The following AGO3 variants were observed in gnomAD, a reference collection of about 807,000 sequenced individuals.
AGO3 encodes the protein protein argonaute-3.
Under a neutral mutation model 105.5 loss-of-function variants are expected in AGO3, and 16 were observed. That is an observed-to-expected ratio of 0.15 (90% CI 0.10 to 0.23). AGO3 has a LOEUF of 0.23. Among genes scored for constraint, AGO3 ranks in the 10% least tolerant of loss-of-function variants. AGO3 has a pLI of 1.00. For missense variants in AGO3, 534 were observed against 1,088.0 expected, an observed-to-expected ratio of 0.49 and a Z score of 7.16; for synonymous variants, 340 against 367.3, an observed-to-expected ratio of 0.93 and a Z score of 0.85.
intron 5 of AGO3, among the ~76,000 whole-genome samples, chr1:35,988,029 C>T (rs1428604478): frequency 2.6e-5 from 4 of 152,020 alleles, no homozygotes. Flanking sequence ...GATCTTGCCA[C>T]TGTACTCCAG....
intron 3 of AGO3, 108 bp downstream of exon 3, chr1:35,967,183 C>G (rs1219623230): frequency 1.5e-6 from 2 of 1,324,198 alleles, no homozygotes; most frequent in African/African-American, 3.0e-5. Flanking sequence ...ATATTTATCA[C>G]TGATTGTTTT....
intron 5 of AGO3, among the ~76,000 whole-genome samples, chr1:35,983,738 G>A (rs945343070): frequency 2.0e-5 from 3 of 152,198 alleles, no homozygotes; most frequent in African/African-American, 4.8e-5. Flanking sequence ...TACATTCAGA[G>A]TACTGACTCT....
At chr1:36,024,421 G>A (rs1641397189) in intron 11 of AGO3, among the ~76,000 whole-genome samples, 1 of 152,124 alleles carries the variant, frequency 6.6e-6, no homozygotes, top group Non-Finnish European at 1.5e-5. Flanking sequence ...ATAGGTGTGA[G>A]CCACCGCACT....
At chr1:36,047,360 T>C (rs1045768931) in intron 17 of AGO3, among the ~76,000 whole-genome samples, 2 of 148,242 alleles carry the variant, frequency 1.3e-5, no homozygotes, top group Non-Finnish European at 3.0e-5. Context: ...AAATACAAAA[T>C]ATAATAGAGA....
chr1:36,052,289 G>A (rs1642746786), intron 17 of AGO3, among the ~76,000 whole-genome samples: 1 of 152,166 alleles, frequency 6.6e-6, no homozygotes, highest in Non-Finnish European at 1.5e-5. Flanking sequence ...AGGACATTAT[G>A]TTACATGAAA....
At chr1:35,964,139 GAACA>G (rs1646730725) in intron 2 of AGO3, among the ~76,000 whole-genome samples, 2 of 151,980 alleles carry the variant, frequency 1.3e-5, no homozygotes, top group African/African-American at 4.8e-5. Flanking sequence ...ATTTATATAT[GAACA>G]TATATATGTA....
At position 35,992,772 on chromosome 1, in the gene AGO3, G is replaced by A. The variant is rs376704422; in HGVS notation, c.659-11569G>A. 1.2e-4 allele frequency among the ~76,000 whole-genome samples: 19 copies of A among 152,270 alleles called. No homozygotes were observed. In the East Asian group the frequency reaches 1.5e-3, roughly 12 times the overall value. ...ACTGCATATCAAATTATTCCAAAAC[G>A]TAGTGACTCAAAACAATAAACTATC... On this transcript the variant is annotated intron_variant, in intron 5 of 18. Transcript: ENST00000373191.
rs1295437905 is a variant in AGO3 at position 35,931,170 on chromosome 1, A to T, written c.-257A>T. 2.5e-6 allele frequency: 1 copy of T among 395,682 alleles called. No homozygotes were observed. Among genetic ancestry groups the T allele is most frequent in the African/African-American group, 2.1e-5 (1 of 48,340 alleles). 24.5% of individuals were successfully genotyped at this position (395,682 alleles called of 1,614,324 possible). A position where few individuals can be genotyped will look rare whatever the true frequency, so the allele number is the denominator to read the frequency against. On this transcript the variant is annotated 5_prime_UTR_variant, in exon 1 of 19. Transcript: ENST00000373191. ...GAGCGTCGGCGGCCGCGGGCGATGCAACTTCCGGACGGGACTCCCCTCTGT... is the reference window on the plus strand; with the variant it reads ...GAGCGTCGGCGGCCGCGGGCGATGCTACTTCCGGACGGGACTCCCCTCTGT...
intron 5 of AGO3, among the ~76,000 whole-genome samples, chr1:35,982,167 C>T (rs1465369569): frequency 6.6e-6 from 1 of 152,164 alleles, no homozygotes; most frequent in East Asian, 1.9e-4. Context: ...GTAGCTCACA[C>T]CTGTAATCCT....
intron 2 of AGO3, among the ~76,000 whole-genome samples, chr1:35,965,504 A>G (rs1019193972): frequency 5.3e-5 from 8 of 151,118 alleles, no homozygotes; most frequent in Middle Eastern, 3.4e-3. Context: ...AAAAAAAAAA[A>G]AAAAGAAAAA....
At chr1:36,017,722 G>A (rs1175597966) in intron 11 of AGO3, among the ~76,000 whole-genome samples, 1 of 151,972 alleles carries the variant, frequency 6.6e-6, no homozygotes, top group African/African-American at 2.4e-5. Context: ...AGGCAACATG[G>A]CAAAACCCTG....
chr1:35,960,897 C>T (rs960535753), intron 2 of AGO3, among the ~76,000 whole-genome samples: 7 of 150,794 alleles, frequency 4.6e-5, no homozygotes, highest in Non-Finnish European at 7.4e-5. Context: ...TGCCATGATA[C>T]GATTTACCAT....
rs200370657 is a variant in AGO3 at position 36,008,863 on chromosome 1, C to T, written c.882-34C>T. 388 of 1,613,832 alleles carry T rather than the reference C, an allele frequency of 2.4e-4. No individual in the cohort carries two copies. The highest frequency in any genetic ancestry group is 2.8e-4 in the Non-Finnish European group (333 of 1,179,998). ...GGGAGTTTTTCTGGCTCATAATGGGCAAGAATTGTTCATGTGTACTTTTTT... is the reference window on the plus strand; with the variant it reads ...GGGAGTTTTTCTGGCTCATAATGGGTAAGAATTGTTCATGTGTACTTTTTT... On this transcript the variant is annotated intron_variant, in intron 7 of 18. Coordinates refer to ENST00000373191, the MANE Select transcript of AGO3 (RefSeq NM_024852.4). The surrounding 1 kb of genome is among the most constrained non-coding windows in gnomAD (Gnocchi z 5.1).
chr1:35,938,380 G>T (rs1052198644), intron 1 of AGO3, among the ~76,000 whole-genome samples: 1 of 152,118 alleles, frequency 6.6e-6, no homozygotes, highest in Non-Finnish European at 1.5e-5. Context: ...GAAGATGAAA[G>T]TATGATCCTA....
intron 6 of AGO3, chr1:36,005,620 A>G: frequency 1.3e-5 from 8 of 623,112 alleles, no homozygotes; most frequent in Non-Finnish European, 1.6e-5. Context: ...CATGGTTTCC[A>G]GTGGAGTTGC....
At chr1:36,044,740 C>T (rs1642393514) in intron 17 of AGO3, among the ~76,000 whole-genome samples, 1 of 152,154 alleles carries the variant, frequency 6.6e-6, no homozygotes, top group African/African-American at 2.4e-5. Flanking sequence ...CTGCACCTGG[C>T]CTTAAGTTTC....
chr1:36,009,588 C>G lies in AGO3; in HGVS notation c.1143C>G (p.Ser381Arg). The change falls in exon 9 of 19, where the codon AGC becomes AGG. Residue 381 changes from serine to arginine, a missense_variant. Physicochemically the swap from Ser to Arg is moderately radical, Grantham distance 110 (BLOSUM62 -1). Around this residue, in one of 2 missense-constraint regions of AGO3, gnomAD observed 373 missense variants for 854.0 expected, o/e 0.44. Transcript: ENST00000373191. ...CACCAGATAGACAAGAGGAAATTAG[C>G]AGATTGGTTAGTACTTAACCTTAGA... is the stretch of plus-strand genomic sequence containing the variant. ...RSAPDRQEEI[S>R]RLVRSANYET... is the part of the protein sequence containing the mutation. 2 of 1,610,566 alleles carry G rather than the reference C, an allele frequency of 1.2e-6. No homozygotes were observed. The highest frequency in any genetic ancestry group is 1.7e-6 in the Non-Finnish European group (2 of 1,179,090).
At chr1:35,952,743 A>G (rs1224531803) in intron 2 of AGO3, among the ~76,000 whole-genome samples, 1 of 152,186 alleles carries the variant, frequency 6.6e-6, no homozygotes, top group Non-Finnish European at 1.5e-5. Context: ...AAGCCATACC[A>G]TATAGCTTAG....
intron 5 of AGO3, among the ~76,000 whole-genome samples, chr1:36,000,831 A>G (rs1640049194): frequency 1.3e-5 from 2 of 151,742 alleles, no homozygotes; most frequent in Admixed American, 6.6e-5. Context: ...TACTGTTACA[A>G]TCTTAACAGT....
Sources: allele counts gnomAD v4.1 joint callset (sites outside exome capture counted in the v4.1 genomes callset), GRCh38; gene constraint gnomAD v4.1.1; regional missense constraint gnomAD v4.1.1; non-coding constraint Gnocchi (gnomAD v3.1); transcripts MANE v1.5; gene names NCBI Gene and HGNC (gene_info 2026-07-23, HGNC 2026-07-21).